The following PDZRN4 variants were observed in gnomAD, a reference collection of about 807,000 sequenced individuals.
PDZRN4 encodes PDZ domain-containing RING finger protein 4.
Under a neutral mutation model 99.0 loss-of-function variants are expected in PDZRN4, and 70 were observed. That is an observed-to-expected ratio of 0.71 (90% CI 0.58 to 0.86). PDZRN4 has a LOEUF of 0.86. PDZRN4 is among the 40% of genes least tolerant of loss of function. The pLI is 0.00. For synonymous variants in PDZRN4, 551 were observed against 501.6 expected (o/e 1.10, Z -1.32); for missense variants, 1,474 against 1,331.2 (o/e 1.11, Z -1.67).
At chr12:41,410,781 G>A (rs1013511773) in intron 3 of PDZRN4, among the ~76,000 whole-genome samples, 1 of 152,076 alleles carries the variant, frequency 6.6e-6, no homozygotes, top group African/African-American at 2.4e-5. Flanking sequence ...ATAACATGAC[G>A]AAATGCCTTT....
chr12:41,336,947 G>C (rs980520995), intron 3 of PDZRN4, among the ~76,000 whole-genome samples: 1 of 151,076 alleles, frequency 6.6e-6, no homozygotes, highest in Non-Finnish European at 1.5e-5. Context: ...TATCCCAGGA[G>C]CAATTTGGGG....
At chr12:41,335,617 G>T (rs12369680) in intron 3 of PDZRN4, among the ~76,000 whole-genome samples, 1 of 151,862 alleles carries the variant, frequency 6.6e-6, no homozygotes, top group African/African-American at 2.4e-5. Context: ...TATAATGTTT[G>T]CCCAGGATAT....
chr12:41,563,235 GAGCGAAGA>G (rs1939303877), intron 7 of PDZRN4, among the ~76,000 whole-genome samples: 1 of 152,116 alleles, frequency 6.6e-6, no homozygotes, highest in African/African-American at 2.4e-5. Flanking sequence ...CCATTACTCT[GAGCGAAGA>G]AAGATGAACG....
intron 3 of PDZRN4, among the ~76,000 whole-genome samples, chr12:41,454,674 T>A (rs778460531): frequency 1.3e-4 from 20 of 152,200 alleles, no homozygotes; most frequent in Non-Finnish European, 2.8e-4. Flanking sequence ...ACCATAGGAA[T>A]ATATCTGTGA....
intron 3 of PDZRN4, among the ~76,000 whole-genome samples, chr12:41,253,465 G>T (rs1309875990): frequency 6.6e-6 from 1 of 152,090 alleles, no homozygotes; most frequent in Non-Finnish European, 1.5e-5. Context: ...AGTTAAAATG[G>T]CTTCTATCAA....
intron 1 of PDZRN4, among the ~76,000 whole-genome samples, chr12:41,190,585 G>GT (rs772417555): frequency 6.6e-6 from 1 of 152,188 alleles, no homozygotes; most frequent in Non-Finnish European, 1.5e-5. Context: ...CCTCAGAAGT[G>GT]TTTTTCTACT....
intron 3 of PDZRN4, among the ~76,000 whole-genome samples, chr12:41,293,393 C>T (rs1287142928): frequency 6.6e-6 from 1 of 151,562 alleles, no homozygotes; most frequent in East Asian, 2.0e-4. Flanking sequence ...CTAGCTCCTT[C>T]CCCACTCCAT....
chr12:41,265,528 G>C (rs1484396750), intron 3 of PDZRN4, among the ~76,000 whole-genome samples: 1 of 152,082 alleles, frequency 6.6e-6, no homozygotes, highest in African/African-American at 2.4e-5. Flanking sequence ...AAAATATATT[G>C]CATCAAAAAA....
chr12:41,238,592 G>C (rs1286915872), intron 3 of PDZRN4, among the ~76,000 whole-genome samples: 1 of 151,852 alleles, frequency 6.6e-6, no homozygotes, highest in Admixed American at 6.6e-5. Context: ...CTCAAAAGAA[G>C]ACATACACGC....
intron 3 of PDZRN4, among the ~76,000 whole-genome samples, chr12:41,434,763 A>G (rs1223441947): frequency 6.6e-6 from 1 of 152,134 alleles, no homozygotes; most frequent in Non-Finnish European, 1.5e-5. Flanking sequence ...CATTTTGATG[A>G]GTTTATTTTC....
At chr12:41,571,374 T>TCA (rs1254502549) in intron 9 of PDZRN4, among the ~76,000 whole-genome samples, 239 of 60,748 alleles carry the variant, frequency 3.9e-3, no homozygotes, top group African/African-American at 7.8e-3. Flanking sequence ...TCTCTCTCTC[T>TCA]CTCACACACA....
At chr12:41,397,422 T>C (rs1952255869) in intron 3 of PDZRN4, among the ~76,000 whole-genome samples, 1 of 152,160 alleles carries the variant, frequency 6.6e-6, no homozygotes, top group Admixed American at 6.6e-5. Flanking sequence ...TGAAAGCAAT[T>C]CCTACTATTA....
intron 3 of PDZRN4, among the ~76,000 whole-genome samples, chr12:41,501,723 AT>A (rs1938113519): frequency 1.3e-5 from 2 of 152,162 alleles, no homozygotes; most frequent in Admixed American, 1.3e-4. Context: ...CAGGATAATT[AT>A]TTTTGTATCT....
At chr12:41,260,960 A>G (rs1339563447) in intron 3 of PDZRN4, among the ~76,000 whole-genome samples, 1 of 152,184 alleles carries the variant, frequency 6.6e-6, no homozygotes, top group Non-Finnish European at 1.5e-5. Context: ...TTTTATGGAA[A>G]TCAAATTCCA....
chr12:41,332,245 G>A (rs759854743), intron 3 of PDZRN4, among the ~76,000 whole-genome samples: 3 of 152,088 alleles, frequency 2.0e-5, no homozygotes, highest in African/African-American at 4.8e-5. Flanking sequence ...AGAGTACAAA[G>A]GAGCAAGAAA....
intron 3 of PDZRN4, among the ~76,000 whole-genome samples, chr12:41,427,678 T>C (rs1220800680): frequency 2.6e-5 from 4 of 152,180 alleles, no homozygotes; most frequent in African/African-American, 9.6e-5. Context: ...GGTGCTAATG[T>C]TTTAGACAAC....
chr12:41,379,251 G>GTT (rs57466011), intron 3 of PDZRN4, among the ~76,000 whole-genome samples: 54 of 131,006 alleles, frequency 4.1e-4, no homozygotes, highest in Admixed American at 9.6e-4. Context: ...TCTATTTTCT[G>GTT]TTTTTTTTTT....
At chr12:41,558,975 T>C (rs1939217930) in intron 7 of PDZRN4, among the ~76,000 whole-genome samples, 1 of 152,170 alleles carries the variant, frequency 6.6e-6, no homozygotes, top group East Asian at 1.9e-4. Context: ...AAACAGAGGA[T>C]TTACTTCTTA....
intron 3 of PDZRN4, among the ~76,000 whole-genome samples, chr12:41,368,878 C>T (rs142476039): frequency 4.9e-4 from 74 of 152,052 alleles, no homozygotes; most frequent in East Asian, 9.7e-4. Flanking sequence ...TCTGGCTGCA[C>T]GTTTCTTATG....
Sources: gnomAD v4.1 joint callset for allele counts (sites outside exome capture counted in the v4.1 genomes callset) on GRCh38, gnomAD v4.1.1 for gene constraint, MANE v1.5 for transcripts, NCBI Gene and HGNC (gene_info 2026-07-23, HGNC 2026-07-21) for gene names.